ALX1: variants seen among roughly 807,000 people sequenced by gnomAD.
ALX1 encodes ALX homeobox 1.
Under a neutral mutation model 31.7 loss-of-function variants are expected in ALX1, and 19 were observed. The observed-to-expected ratio is 0.60, with a 90% CI of 0.42 to 0.88. The LOEUF is 0.88. ALX1 is among the 40% of genes least tolerant of loss of function. The probability of loss-of-function intolerance (pLI) is 0.00; values close to 1 mark genes in which losing one functional copy is unlikely to be tolerated. For synonymous variants in ALX1, 153 were observed against 148.8 expected (o/e 1.03, Z -0.20); for missense variants, 415 against 407.8 (o/e 1.02, Z -0.15).
intron 2 of ALX1, among the ~76,000 whole-genome samples, chr12:85,285,661 A>C (rs901553188): frequency 1.3e-5 from 2 of 152,040 alleles, no homozygotes; most frequent in Non-Finnish European, 2.9e-5. Context: ...AAGATATACA[A>C]GATTAGAATT....
intron 2 of ALX1, 72 bp downstream of exon 2, chr12:85,283,948 A>G: frequency 6.5e-7 from 1 of 1,528,540 alleles, no homozygotes; most frequent in Non-Finnish European, 9.0e-7. Context: ...GAATAAGTGC[A>G]TTTTGCCACA....
rs75217195 is a variant in ALX1, at chr12:85,287,594, G to T, written c.660+613G>T. Among the ~76,000 whole-genome samples, 1,022 of 150,784 alleles carry T rather than the reference G, an allele frequency of 6.8e-3. 13 individuals are homozygous for T. Among genetic ancestry groups the T allele is most frequent in the African/African-American group, 0.023 (956 of 41,254 alleles). ...ATGAGTAACAGCTTCCCTTTATAAT[G>T]GGTGCTCTTTTACTTCATTACAAAA... On this transcript the variant is annotated intron_variant, in intron 3 of 3. Coordinates refer to ENST00000316824, the MANE Select transcript of ALX1 (RefSeq NM_006982.3).
At chr12:85,280,638 T>G in intron 1 of ALX1, 151 bp downstream of exon 1, 2 of 880,330 alleles carry the variant, frequency 2.3e-6, no homozygotes, top group Non-Finnish European at 1.8e-6. Context: ...GCTCGCTTTA[T>G]GAAGCGGTGT....
chr12:85,295,224 T>C (rs1051296742), intron 3 of ALX1, among the ~76,000 whole-genome samples: 5 of 151,398 alleles, frequency 3.3e-5, no homozygotes, highest in African/African-American at 9.7e-5. Context: ...TCATTTATAC[T>C]CTTTCTCCCT....
At chr12:85,280,560 G>A in intron 1 of ALX1, 73 bp downstream of exon 1, 1 of 1,499,380 alleles carries the variant, frequency 6.7e-7, no homozygotes, top group Non-Finnish European at 9.1e-7. Flanking sequence ...GGTCTGATCA[G>A]GCAGGGAGGG....
intron 3 of ALX1, 97 bp downstream of exon 3, chr12:85,287,078 AGCC>A: frequency 6.5e-6 from 9 of 1,392,048 alleles, no homozygotes; most frequent in Non-Finnish European, 7.9e-6. Context: ...GTAAGATAAT[AGCC>A]AAGAATGAAA....
chr12:85,280,745 G>A (rs571647712), intron 1 of ALX1, among the ~76,000 whole-genome samples: 146 of 152,254 alleles, frequency 9.6e-4, no homozygotes, highest in African/African-American at 3.2e-3. Flanking sequence ...GTAGGGTCTG[G>A]TCGCCTACGG....
At chr12:85,293,470 T>C (rs1896846306) in intron 3 of ALX1, among the ~76,000 whole-genome samples, 1 of 150,724 alleles carries the variant, frequency 6.6e-6, no homozygotes, top group Non-Finnish European at 1.5e-5. Context: ...TTAATTTTTA[T>C]TCTGTTGCAT....
Position 85,286,939 on chromosome 12 carries a change from C to T in ALX1, c.618C>T (p.Thr206=). The T allele has an allele frequency of 6.2e-7, 1 of 1,612,212 alleles. No homozygotes were observed. Among genetic ancestry groups the T allele is most frequent in the South Asian group, 1.1e-5 (1 of 91,012 alleles). The change falls in exon 3 of 4, where the codon ACC becomes ACT. Residue 206 remains threonine, a synonymous_variant. Transcript: ENST00000316824. ...IQQAKSHFAA[T]YDISVLPRTD... Reference sequence around the variant, plus strand: ...AAGCGAAAAGCCATTTTGCTGCCACCTATGATATATCAGTTTTGCCAAGGA... The same window carrying T: ...AAGCGAAAAGCCATTTTGCTGCCACTTATGATATATCAGTTTTGCCAAGGA...
At chr12:85,295,956 T>C (rs1471255571) in intron 3 of ALX1, among the ~76,000 whole-genome samples, 5 of 151,638 alleles carry the variant, frequency 3.3e-5, no homozygotes, top group African/African-American at 1.2e-4. Flanking sequence ...TTGTTTCTTC[T>C]AAATAGCACT....
At position 85,283,647 on chromosome 12, in the gene ALX1, G is replaced by A; in HGVS notation, c.302G>A (p.Ser101Asn). Reference protein sequence around the residue: ...ELNRAMDNCNSLRMSPVKGMQ... With the variant: ...ELNRAMDNCNNLRMSPVKGMQ... ...AATAGAGCTATGGACAACTGTAACA[G>A]TCTCCGAATGTCTCCCGTGAAAGGG... Residue 101 changes from serine (S) to asparagine (N), a missense_variant, in exon 2 of 4, where the codon AGT becomes AAT. By Grantham distance (46) the Ser-to-Asn change is conservative. This residue lies in a region of ALX1 where 235 missense variants were observed against 208.9 expected (regional missense o/e 1.13). Transcript: ENST00000316824. 1.2e-6 allele frequency: 2 copies of A among 1,614,116 alleles called. No individual in the cohort carries two copies. Among genetic ancestry groups the A allele is most frequent in the East Asian group, 4.5e-5 (2 of 44,878 alleles).
intron 3 of ALX1, among the ~76,000 whole-genome samples, chr12:85,297,150 C>A (rs1368739977): frequency 6.6e-6 from 1 of 151,476 alleles, no homozygotes; most frequent in Admixed American, 6.6e-5. Context: ...TATAGTCAAC[C>A]CTTAGCTCAA....
intron 3 of ALX1, among the ~76,000 whole-genome samples, chr12:85,296,967 C>G (rs371360997): frequency 6.6e-6 from 1 of 151,586 alleles, no homozygotes; most frequent in Admixed American, 6.6e-5. Flanking sequence ...TTTCCTTTAA[C>G]GAATCAGAGT....
intron 2 of ALX1, among the ~76,000 whole-genome samples, chr12:85,285,399 C>T (rs796087167): frequency 2.8e-4 from 42 of 152,018 alleles, no homozygotes; most frequent in African/African-American, 1.0e-3. Flanking sequence ...TACTAAATTC[C>T]CTTAGTGTGT....
chr12:85,286,969 C>A lies in ALX1; in HGVS notation c.648C>A (p.Asp216Glu), dbSNP rs998096551. ...TYDISVLPRT[D>E]SYPQIQNNLW... The stretch of plus-strand genomic sequence containing the variant: ...ATATATCAGTTTTGCCAAGGACTGA[C>A]AGCTACCCACAGGTATGCTAAACTA... Residue 216 changes from aspartate to glutamate, a missense_variant, in exon 3 of 4, where the codon GAC becomes GAA. Transcript: ENST00000316824. The A allele has an allele frequency of 6.2e-7, 1 of 1,611,920 alleles. No homozygotes were observed. The highest frequency in any genetic ancestry group is 1.3e-5 in the African/African-American group (1 of 74,818).
intron 2 of ALX1, among the ~76,000 whole-genome samples, chr12:85,286,326 A>G (rs1398261921): frequency 6.6e-6 from 1 of 151,834 alleles, no homozygotes; most frequent in Non-Finnish European, 1.5e-5. Context: ...TTTAGGTGTA[A>G]TCTTTATGTT....
chr12:85,286,939 C>A lies in ALX1; in HGVS notation c.618C>A (p.Thr206=). 2 of 1,612,212 alleles carry A rather than the reference C, an allele frequency of 1.2e-6. No individual in the cohort carries two copies. Among genetic ancestry groups the A allele is most frequent in the Non-Finnish European group, 1.7e-6 (2 of 1,178,624 alleles). The change falls in exon 3 of 4, where the codon ACC becomes ACA. Residue 206 remains threonine (T), a synonymous_variant. Transcript: ENST00000316824. ...AAGCGAAAAGCCATTTTGCTGCCAC[C>A]TATGATATATCAGTTTTGCCAAGGA... ...IQQAKSHFAA[T]YDISVLPRTD...
intron 1 of ALX1, 58 bp downstream of exon 1, chr12:85,280,545 G>C (rs1320925126): frequency 1.9e-5 from 29 of 1,559,322 alleles, no homozygotes; most frequent in Non-Finnish European, 2.5e-5. Flanking sequence ...CGAAAATGCA[G>C]GATCGGTCTG....
At position 85,280,246 on chromosome 12, in the gene ALX1, A is replaced by G. The variant is rs368794193; in HGVS notation, c.-16A>G. The stretch of plus-strand genomic sequence containing the variant: ...GTTTCTGTGCCCCAGGAGCTACGCG[A>G]CAGTCTTCCAGGATTATGGAGTTTC... On this transcript the variant is annotated 5_prime_UTR_variant, in exon 1 of 4. Coordinates refer to ENST00000316824, the MANE Select transcript of ALX1 (RefSeq NM_006982.3). 1 of 1,594,782 alleles carries G rather than the reference A, an allele frequency of 6.3e-7. No individual in the cohort carries two copies. The highest frequency in any genetic ancestry group is 1.3e-5 in the African/African-American group (1 of 74,278).
Sources: allele counts gnomAD v4.1 joint callset (sites outside exome capture counted in the v4.1 genomes callset), GRCh38; gene constraint gnomAD v4.1.1; regional missense constraint gnomAD v4.1.1; transcripts MANE v1.5; gene names NCBI Gene and HGNC (gene_info 2026-07-23, HGNC 2026-07-21).